PCDHGB5: variants seen among roughly 807,000 people sequenced by gnomAD.
The protein encoded by PCDHGB5 is protocadherin gamma subfamily B, 5.
PCDHGB5 carries 48 observed loss-of-function variants against 62.9 expected under a neutral mutation model. The observed-to-expected ratio is 0.76, with a 90% CI of 0.61 to 0.97. The LOEUF is 0.97. Among genes scored for constraint, PCDHGB5 ranks in the 50% least tolerant of loss-of-function variants. The pLI is 0.00. For missense variants in PCDHGB5, 1,118 were observed against 1,198.6 expected (o/e 0.93, Z 0.99); for synonymous variants, 474 against 511.2 (o/e 0.93, Z 0.98).
rs749590670 is a variant in PCDHGB5, at chr5:141,415,328, A to T, written c.2397+14804A>T. 7.9e-5 allele frequency: 127 copies of T among 1,614,184 alleles called. No individual in the cohort carries two copies. The Admixed American group carries it at 1.9e-3, about 24-fold the overall frequency. ...GCCTTCGTCATCGTGCTGCTGGCGC[A>T]CAGGCTGCGGCGCTGGCACAAGTCA... On this transcript the variant is annotated intron_variant, in intron 1 of 3. Transcript: ENST00000617380.
chr5:141,448,669 G>A (rs553283446), intron 1 of PCDHGB5, among the ~76,000 whole-genome samples: 13 of 152,136 alleles, frequency 8.5e-5, no homozygotes, highest in African/African-American at 7.2e-5. Flanking sequence ...GGCCGGGCGC[G>A]GTGGCTCACG....
At chr5:141,509,136 C>T (rs1217992935) in intron 3 of PCDHGB5, among the ~76,000 whole-genome samples, 1 of 152,142 alleles carries the variant, frequency 6.6e-6, no homozygotes, top group Non-Finnish European at 1.5e-5. Context: ...AAAACCGAGG[C>T]GCATCCCGGC....
In PCDHGB5 at chr5:141,485,037, C is replaced by T. The variant is rs2099605532; in HGVS notation, c.2398-9770C>T. 1.0e-5 allele frequency: 7 copies of T among 702,746 alleles called. No individual in the cohort carries two copies. Among genetic ancestry groups the T allele is most frequent in the Non-Finnish European group, 1.5e-5 (6 of 402,836 alleles). 43.5% of individuals were successfully genotyped at this position (702,746 alleles called of 1,614,324 possible). A position where few individuals can be genotyped will look rare whatever the true frequency, so the allele number is the denominator to read the frequency against. ...GCCACCAGCAAAAACGGCGCGTAAC[C>T]CTTGCGGCGCCGGCCGAACCGCGCC... is the stretch of plus-strand genomic sequence containing the variant. On this transcript the variant is annotated intron_variant, in intron 1 of 3. Transcript: ENST00000617380. The surrounding 1 kb of genome is among the most constrained non-coding windows in gnomAD (Gnocchi z 5.7).
chr5:141,475,572 C>T (rs2099365596), intron 1 of PCDHGB5, among the ~76,000 whole-genome samples: 1 of 152,214 alleles, frequency 6.6e-6, no homozygotes, highest in South Asian at 2.1e-4. Context: ...TTCCAACAAG[C>T]CAGATTTGTT....
rs777443975 is a variant in PCDHGB5 at position 141,399,616 on chromosome 5, C to G, written c.1489C>G (p.Leu497Val). Residue 497 changes from leucine to valine, a missense_variant, in exon 1 of 4, where the codon CTG becomes GTG. By Grantham distance (32) the Leu-to-Val change is conservative. Around this residue, in one of 2 missense-constraint regions of PCDHGB5, gnomAD observed 1,034 missense variants for 1,029.1 expected, o/e 1.00. Transcript: ENST00000617380. ...GGCCAGCGACCTAGAGCCTCTGGCA[C>G]TGGCCTCTTACGTGTCCATGAGCGC... Reference protein sequence around the residue: ...IMASDLEPLALASYVSMSAQS... With the variant: ...IMASDLEPLAVASYVSMSAQS... 1 of 1,613,962 alleles carries G rather than the reference C, an allele frequency of 6.2e-7. No individual in the cohort carries two copies.
At chr5:141,414,921 G>T (rs746806079) in intron 1 of PCDHGB5, 22 of 1,613,992 alleles carry the variant, frequency 1.4e-5, no homozygotes, top group East Asian at 4.5e-5. Context: ...TGGAGCTGGC[G>T]CCCCGCTCCG....
In PCDHGB5 at chr5:141,485,792, G is replaced by A. The variant is rs114766079; in HGVS notation, c.2398-9015G>A. The A allele has an allele frequency of 6.2e-7, 1 of 1,614,236 alleles. No homozygotes were observed. Among genetic ancestry groups the A allele is most frequent in the East Asian group, 2.2e-5 (1 of 44,880 alleles). ...GCCTTTGGATCGAGAGAAGCAATCG[G>A]ACTACCGCCTGGTGCTGACTGCTGT... On this transcript the variant is annotated intron_variant, in intron 1 of 3. Coordinates refer to ENST00000617380, the MANE Select transcript of PCDHGB5 (RefSeq NM_018925.3). This position sits in a 1 kb window ranked among gnomAD's most constrained non-coding sequence, Gnocchi z 5.7.
chr5:141,415,740 G>GTTTTTTTTTTT (rs57426385), intron 1 of PCDHGB5: 102 of 625,036 alleles, frequency 1.6e-4, no homozygotes, highest in Admixed American at 2.1e-4. Context: ...GTTTATTAAG[G>GTTTTTTTTTTT]TTTTTTTTTT....
At chr5:141,450,626 A>G (rs1474729472) in intron 1 of PCDHGB5, among the ~76,000 whole-genome samples, 1 of 151,438 alleles carries the variant, frequency 6.6e-6, no homozygotes, top group East Asian at 2.0e-4. Context: ...AGCTGGGATT[A>G]CAGATGCCTG....
In PCDHGB5 at chr5:141,431,464, G is replaced by C. The variant is rs1413324509; in HGVS notation, c.2397+30940G>C. On this transcript the variant is annotated intron_variant, in intron 1 of 3. Coordinates refer to ENST00000617380, the MANE Select transcript of PCDHGB5 (RefSeq NM_018925.3). This position sits in a 1 kb window ranked among gnomAD's most constrained non-coding sequence, Gnocchi z 4.8. ...GCATCCGCGTGATGGTTCTGGATGCGAACGACAACGCACCAGCGTTTGCTC... is the reference window on the plus strand; with the variant it reads ...GCATCCGCGTGATGGTTCTGGATGCCAACGACAACGCACCAGCGTTTGCTC... The C allele has an allele frequency of 6.2e-7, 1 of 1,613,664 alleles. No individual in the cohort carries two copies. Among genetic ancestry groups the C allele is most frequent in the African/African-American group, 1.3e-5 (1 of 74,950 alleles).
chr5:141,482,248 C>G (rs1056466272), intron 1 of PCDHGB5, among the ~76,000 whole-genome samples: 1 of 152,084 alleles, frequency 6.6e-6, no homozygotes, highest in African/African-American at 2.4e-5. Context: ...AAGTATAGTA[C>G]TGTACATATT....
intron 1 of PCDHGB5, among the ~76,000 whole-genome samples, chr5:141,406,540 A>C (rs1180847016): frequency 6.6e-6 from 1 of 152,216 alleles, no homozygotes; most frequent in Non-Finnish European, 1.5e-5. Context: ...ACGAAGATTC[A>C]AACTTCAGTT....
intron 1 of PCDHGB5, chr5:141,427,507 T>A: frequency 1.7e-6 from 1 of 584,928 alleles, no homozygotes; most frequent in Non-Finnish European, 3.2e-6. Context: ...GATGGGACCC[T>A]GGATTGGGAG....
At chr5:141,464,282 A>AG (rs1318553407) in intron 1 of PCDHGB5, among the ~76,000 whole-genome samples, 1 of 151,396 alleles carries the variant, frequency 6.6e-6, no homozygotes, top group Non-Finnish European at 1.5e-5. Flanking sequence ...AAAAAAGCAA[A>AG]AAAAAAAACT....
rs749645155 is a variant in PCDHGB5 at position 141,414,214 on chromosome 5, A to G, written c.2397+13690A>G. On this transcript the variant is annotated intron_variant, in intron 1 of 3. Transcript: ENST00000617380. ...GATTACAGTAGAAGATGTAAATGAC[A>G]ACAGTCCAGAGCTGACCATCACGTC... 6.2e-6 allele frequency: 10 copies of G among 1,613,126 alleles called. No homozygotes were observed. The South Asian group carries it at 9.9e-5, about 16-fold the overall frequency.
At chr5:141,429,468 A>G (rs2097217267) in intron 1 of PCDHGB5, among the ~76,000 whole-genome samples, 1 of 152,048 alleles carries the variant, frequency 6.6e-6, no homozygotes, top group Admixed American at 6.6e-5. Flanking sequence ...TCCCACCTCA[A>G]TCTCCAGAGT....
rs1303712746 is a variant in PCDHGB5 at position 141,512,800 on chromosome 5, C to G, written c.*1627C>G. The G allele has an allele frequency of 1.3e-5, 2 of 152,238 alleles. No homozygotes were observed. Among genetic ancestry groups the G allele is most frequent in the African/African-American group, 4.8e-5 (2 of 41,434 alleles). The allele number at this position is 152,238 out of a possible 1,614,324, so 9.4% of individuals were successfully genotyped here. A position where few individuals can be genotyped will look rare whatever the true frequency, so the allele number is the denominator to read the frequency against. On this transcript the variant is annotated 3_prime_UTR_variant, in exon 4 of 4. Coordinates refer to ENST00000617380, the MANE Select transcript of PCDHGB5 (RefSeq NM_018925.3). Reference sequence around the variant, plus strand: ...GCCCGTGTTGTGTTTTGTGCTGTGTCCACGCGCTAAGGCGACCCCCTCCCC... The same window carrying G: ...GCCCGTGTTGTGTTTTGTGCTGTGTGCACGCGCTAAGGCGACCCCCTCCCC...
Position 141,456,055 on chromosome 5 carries a change from G to A in PCDHGB5, c.2398-38752G>A, listed in dbSNP as rs78682041. On this transcript the variant is annotated intron_variant, in intron 1 of 3. Coordinates refer to ENST00000617380, the MANE Select transcript of PCDHGB5 (RefSeq NM_018925.3). Reference sequence around the variant, plus strand: ...TGGGACTACAGGCGCCCACCACCACGTCCGGCTAATTTTTTGTATTTTCAG... The same window carrying A: ...TGGGACTACAGGCGCCCACCACCACATCCGGCTAATTTTTTGTATTTTCAG... Among the ~76,000 whole-genome samples, 302 of 151,836 alleles carry A rather than the reference G, an allele frequency of 2.0e-3. 1 individual carries two copies. The highest frequency in any genetic ancestry group is 0.01 in the Middle Eastern group (3 of 292).
Position 141,438,239 on chromosome 5 carries a change from A to C in PCDHGB5, c.2397+37715A>C, listed in dbSNP as rs550172792. Among the ~76,000 whole-genome samples, 9 of 152,298 alleles carry C rather than the reference A, an allele frequency of 5.9e-5. No homozygotes were observed. In the East Asian group the frequency reaches 1.7e-3, roughly 29 times the overall value. On this transcript the variant is annotated intron_variant, in intron 1 of 3. Transcript: ENST00000617380. ...GCTCTGGTTCAGGAAAATGTTTTTA[A>C]AAAACTGTCATTGAAGAGACCATAG...
Sources: allele counts gnomAD v4.1 joint callset (sites outside exome capture counted in the v4.1 genomes callset), GRCh38; gene constraint gnomAD v4.1.1; regional missense constraint gnomAD v4.1.1; non-coding constraint Gnocchi (gnomAD v3.1); transcripts MANE v1.5; gene names NCBI Gene and HGNC (gene_info 2026-07-23, HGNC 2026-07-21).